The following BDP1 variants were observed in gnomAD, a reference collection of about 807,000 sequenced individuals.
BDP1 encodes transcription factor TFIIIB component B'' homolog.
In BDP1, 169 loss-of-function variants were observed where a neutral mutation model predicts 266.6. The ratio of observed to expected loss-of-function variants is 0.63; its 90% CI spans 0.56 to 0.72. BDP1 has a LOEUF of 0.72. Ranked by LOEUF, BDP1 falls within the 30% of genes least tolerant of loss-of-function variation. BDP1 has a pLI of 0.00. For missense variants in BDP1, 3,015 were observed against 3,053.8 expected (o/e 0.99, Z 0.30); for synonymous variants, 1,090 against 1,022.4 (o/e 1.07, Z -1.26).
chr5:71,578,217 G>A, the BDP1 span, among the ~76,000 whole-genome samples: 82 of 152,264 alleles, frequency 5.4e-4, 1 homozygote, highest in African/African-American at 1.6e-3. Flanking sequence ...TAATAAATAT[G>A]GAGGGCTGTG....
At chr5:71,527,425 T>C in intron 25 of BDP1, among the ~76,000 whole-genome samples, 1 of 152,116 alleles carries the variant, frequency 6.6e-6, no homozygotes, top group Non-Finnish European at 1.5e-5. Flanking sequence ...AAACAGTAAC[T>C]CTCCATTCCT....
rs749861994 is a variant in BDP1 at position 71,510,303 on chromosome 5, A to G, written c.3211A>G (p.Ser1071Gly). The change falls in exon 17 of 39, where the codon AGT (serine) becomes GGT (glycine). Residue 1071 changes from serine to glycine, a missense_variant. Around this residue, in one of 3 missense-constraint regions of BDP1, gnomAD observed 2,383 missense variants for 2,404.9 expected, o/e 0.99. Transcript: ENST00000358731. ...GGATTTGAAAGCAACTGGAAGAGAC[A>G]GTTTCCCAAGGGGGAAGACACCAGA... ...ETDLKATGRD[S>G]FPRGKTPEVI... 6.2e-7 allele frequency: 1 copy of G among 1,613,706 alleles called. No homozygotes were observed. Among genetic ancestry groups the G allele is most frequent in the African/African-American group, 1.3e-5 (1 of 74,852 alleles).
rs974483060 is a variant in BDP1, at chr5:71,567,238, TGTGTAATATTA to T, written c.*2356_*2366del. 3.2e-4 allele frequency: 48 copies of T among 152,332 alleles called. 1 individual carries two copies. Among genetic ancestry groups the T allele is most frequent in the Admixed American group, 2.6e-3 (40 of 15,298 alleles). 9.4% of individuals were successfully genotyped at this position (152,332 alleles called of 1,614,324 possible). On this transcript the variant is annotated 3_prime_UTR_variant, in exon 39 of 39. Coordinates refer to ENST00000358731, the MANE Select transcript of BDP1 (RefSeq NM_018429.3). ...CCATGATTAAACTATTATTTATCCT[TGTGTAATATTA>T]GTTTTTAACTTTAACATCTGTTTCT...
chr5:71,461,961 T>A, intron 3 of BDP1, 35 bp downstream of exon 3: 6 of 791,934 alleles, frequency 7.6e-6, no homozygotes, highest in Admixed American at 2.7e-5. Context: ...ACTATCTCTT[T>A]TTTTTTTTTT....
intron 16 of BDP1, among the ~76,000 whole-genome samples, chr5:71,505,527 A>G (rs6452900): frequency 0.79 from 119,599 of 152,100 alleles, 47,637 homozygotes; most frequent in East Asian, 0.88. Flanking sequence ...ACCAAGCCAG[A>G]CTGATGGAAT....
In BDP1 at chr5:71,544,260, A is replaced by G. The variant is rs897507397; in HGVS notation, c.6413-97A>G. Reference sequence around the variant, plus strand: ...ATAAGAGAAGTTTGGAAGAGTCACTATATAGGAATCTTCCTTTTAAGAGGG... The same window carrying G: ...ATAAGAGAAGTTTGGAAGAGTCACTGTATAGGAATCTTCCTTTTAAGAGGG... On this transcript the variant is annotated intron_variant, in intron 30 of 38. Coordinates refer to ENST00000358731, the MANE Select transcript of BDP1 (RefSeq NM_018429.3). 47 of 1,122,764 alleles carry G rather than the reference A, an allele frequency of 4.2e-5. No homozygotes were observed. The Admixed American group carries it at 9.2e-4, about 22-fold the overall frequency. The allele number at this position is 1,122,764 out of a possible 1,614,324, so 69.6% of individuals were successfully genotyped here.
intron 7 of BDP1, among the ~76,000 whole-genome samples, chr5:71,480,943 A>C (rs540179585): frequency 2.6e-5 from 4 of 152,176 alleles, no homozygotes; most frequent in Admixed American, 2.6e-4. Context: ...TTGGGAGGCC[A>C]AGGCGGGTGG....
At chr5:71,572,287 T>A (rs1744290929), downstream of BDP1, among the ~76,000 whole-genome samples, 1 of 152,134 alleles carries the variant, frequency 6.6e-6, no homozygotes, top group South Asian at 2.1e-4. Context: ...CTTGTCTTTA[T>A]TCCCGCATTC....
At chr5:71,469,741 G>T (rs1468868571) in intron 6 of BDP1, among the ~76,000 whole-genome samples, 1 of 147,370 alleles carries the variant, frequency 6.8e-6, no homozygotes, top group Non-Finnish European at 1.5e-5. Context: ...AGCCTCCCCA[G>T]TAGCTGGGAT....
At chr5:71,484,036 G>GT in intron 8 of BDP1, 140 bp downstream of exon 8, 1 of 675,626 alleles carries the variant, frequency 1.5e-6, no homozygotes, top group Non-Finnish European at 2.6e-6. Flanking sequence ...AAATTTTTCT[G>GT]TTTAGCAGTA....
At chr5:71,471,013 ATCT>A (rs1350263413) in intron 7 of BDP1, among the ~76,000 whole-genome samples, 4 of 151,414 alleles carry the variant, frequency 2.6e-5, no homozygotes, top group Admixed American at 2.0e-4. Context: ...ATTTTCTTAT[ATCT>A]TCTTCATTTC....
intron 11 of BDP1, 56 bp from the exon 12 acceptor site, chr5:71,495,194 A>G: frequency 9.2e-7 from 1 of 1,082,428 alleles, no homozygotes; most frequent in South Asian, 2.4e-5. Context: ...AAAAATAATT[A>G]TAAAATATAT....
chr5:71,496,062 G>T (rs1561707180), intron 12 of BDP1, among the ~76,000 whole-genome samples: 1 of 151,960 alleles, frequency 6.6e-6, no homozygotes, highest in Admixed American at 6.6e-5. Flanking sequence ...CTAACACAGT[G>T]AAACGCTGTC....
In BDP1 at chr5:71,515,042, T is replaced by C. The variant is rs1262593482; in HGVS notation, c.4569T>C (p.Leu1523=). The C allele has an allele frequency of 1.2e-6, 2 of 1,613,036 alleles. No homozygotes were observed. Among genetic ancestry groups the C allele is most frequent in the African/African-American group, 1.3e-5 (1 of 74,802 alleles). Residue 1523 remains leucine (L), a synonymous_variant, in exon 20 of 39, where the codon CTT becomes CTC. Coordinates refer to ENST00000358731, the MANE Select transcript of BDP1 (RefSeq NM_018429.3). ...ILPCTQTERN[L]SPSNSCEPKE... ...CATGTACACAGACTGAAAGGAACCT[T>C]TCACCTTCAAATTCTTGTGAACCTA...
chr5:71,515,162 A>G, intron 20 of BDP1, 40 bp downstream of exon 20: 2 of 1,399,950 alleles, frequency 1.4e-6, no homozygotes, highest in South Asian at 2.9e-5. Context: ...AATAAGAGAG[A>G]TACTTCTTTT....
rs1466953486 is a variant in BDP1 at position 71,509,596 on chromosome 5, A to C, written c.2504A>C (p.Glu835Ala). 5.0e-6 allele frequency: 8 copies of C among 1,613,846 alleles called. No individual in the cohort carries two copies. ...REISSKEEVL[E>A]KILVSGEMAA... ...ATTTCCTCAAAGGAAGAGGTACTAG[A>C]GAAGATTCTTGTCTCTGGGGAAATG... Residue 835 changes from glutamate to alanine, a missense_variant, in exon 17 of 39, where the codon GAG becomes GCG. By Grantham distance (107) the Glu-to-Ala change is moderately radical (BLOSUM62 -1). This residue lies in a region of BDP1 where 2,383 missense variants were observed against 2,404.9 expected (regional missense o/e 0.99). Transcript: ENST00000358731.
rs766825669 is a variant in BDP1, at chr5:71,510,446, G to C, written c.3354G>C (p.Leu1118Phe). The C allele has an allele frequency of 6.2e-7, 1 of 1,613,842 alleles. No homozygotes were observed. Among genetic ancestry groups the C allele is most frequent in the Non-Finnish European group, 8.5e-7 (1 of 1,179,942 alleles). ...VKPLGEMQTDLKATGREISPR... is the reference protein window; with the variant it reads ...VKPLGEMQTDFKATGREISPR... ...CTCTAGGTGAAATGCAAACAGATTT[G>C]AAAGCAACCGGAAGGGAGATTTCCC... is the stretch of plus-strand genomic sequence containing the variant. Residue 1118 changes from leucine to phenylalanine, a missense_variant, in exon 17 of 39, where the codon TTG becomes TTC. By Grantham distance (22) the Leu-to-Phe change is conservative (BLOSUM62 0). Around this residue, in one of 3 missense-constraint regions of BDP1, gnomAD observed 2,383 missense variants for 2,404.9 expected, o/e 0.99. Transcript: ENST00000358731.
At position 71,548,665 on chromosome 5, in the gene BDP1, T is replaced by G. The variant is rs1457340047; in HGVS notation, c.6745-17T>G. ...ATTTGGCCAACCTGACTCTTTCATT[T>G]TAATTTTTTATGGCAGTATACACCA... On this transcript the variant is annotated splice_polypyrimidine_tract_variant and intron_variant, in intron 32 of 38. Transcript: ENST00000358731. 1.9e-6 allele frequency: 3 copies of G among 1,572,214 alleles called. No homozygotes were observed. Among genetic ancestry groups the G allele is most frequent in the Non-Finnish European group, 8.7e-7 (1 of 1,145,488 alleles).
At chr5:71,497,517 T>G in intron 13 of BDP1, 91 bp downstream of exon 13, 1 of 921,488 alleles carries the variant, frequency 1.1e-6, no homozygotes, top group East Asian at 2.6e-5. Context: ...AATTACAAAG[T>G]ACTGTTACTG....
Sources: allele counts gnomAD v4.1 joint callset (sites outside exome capture counted in the v4.1 genomes callset), GRCh38; gene constraint gnomAD v4.1.1; regional missense constraint gnomAD v4.1.1; transcripts MANE v1.5; gene names NCBI Gene and HGNC (gene_info 2026-07-23, HGNC 2026-07-21).